CCDC63: variants seen among roughly 807,000 people sequenced by gnomAD.
CCDC63 encodes the protein coiled-coil domain containing 63.
Under a neutral mutation model 63.6 loss-of-function variants are expected in CCDC63, and 54 were observed. The ratio of observed to expected loss-of-function variants is 0.85; its 90% confidence interval spans 0.68 to 1.07. The LOEUF (loss-of-function observed/expected upper bound fraction) is 1.07, where lower values mean the gene tolerates loss of function less well. Among genes scored for constraint, CCDC63 ranks in the 50% least tolerant of loss-of-function variants. CCDC63 has a pLI of 0.00. For missense variants in CCDC63, 637 were observed against 689.6 expected, an observed-to-expected ratio of 0.92 and a Z score of 0.86; for synonymous variants, 253 against 266.1, an observed-to-expected ratio of 0.95 and a Z score of 0.48.
chr12:110,852,368 T>A (rs1593633649), intron 1 of CCDC63, among the ~76,000 whole-genome samples: 1 of 152,224 alleles, frequency 6.6e-6, no homozygotes, highest in African/African-American at 2.4e-5. Flanking sequence ...CAAGCAATTC[T>A]CCTGCCTCAG....
chr12:110,865,464 CAAAAAA>C (rs10585238), intron 4 of CCDC63, among the ~76,000 whole-genome samples: 5 of 102,340 alleles, frequency 4.9e-5, no homozygotes, highest in African/African-American at 1.4e-4. Context: ...CAGCATATAC[CAAAAAA>C]AAAAAAAAAA....
At chr12:110,866,234 T>G (rs556885102) in intron 4 of CCDC63, among the ~76,000 whole-genome samples, 1 of 151,834 alleles carries the variant, frequency 6.6e-6, no homozygotes, top group East Asian at 1.9e-4. Flanking sequence ...TGCCTCGGCC[T>G]CCCAAAGTGC....
At position 110,907,227 on chromosome 12, in the gene CCDC63, TC is replaced by T; in HGVS notation, c.1547-102del. 2.7e-6 allele frequency: 3 copies of T among 1,112,484 alleles called. No homozygotes were observed. Among genetic ancestry groups the T allele is most frequent in the Non-Finnish European group, 3.8e-6 (3 of 796,532 alleles). The allele number at this position is 1,112,484 out of a possible 1,614,324, so 68.9% of individuals were successfully genotyped here. A position where few individuals can be genotyped will look rare whatever the true frequency, so the allele number is the denominator to read the frequency against. The stretch of plus-strand genomic sequence containing the variant: ...TCCCCCTCCTTGAAACCTGAGAATT[TC>T]CATGCTCCACTCCCCAGTGCTATGG... On this transcript the variant is annotated intron_variant, in intron 11 of 11. Coordinates refer to ENST00000308208, the MANE Select transcript of CCDC63 (RefSeq NM_152591.3). The surrounding 1 kb of genome is among the most constrained non-coding windows in gnomAD (Gnocchi z 4.4).
chr12:110,892,277 A>C (rs1479645144), intron 8 of CCDC63, among the ~76,000 whole-genome samples: 2 of 152,158 alleles, frequency 1.3e-5, no homozygotes, highest in African/African-American at 4.8e-5. Context: ...AAATTAGTTC[A>C]TCAGAGGTTG....
In CCDC63 at chr12:110,884,102, G is replaced by A. The variant is rs140815443; in HGVS notation, c.926G>A (p.Arg309Gln). 112 of 1,614,116 alleles carry A rather than the reference G, an allele frequency of 6.9e-5. No individual in the cohort carries two copies. The African/African-American group carries it at 1.2e-3, about 17-fold the overall frequency. The change falls in exon 8 of 12, where the codon CGG becomes CAG. Residue 309 changes from arginine (R) to glutamine (Q), a missense_variant. Arg to Gln is a conservative substitution (Grantham distance 43). Transcript: ENST00000308208. Reference sequence around the variant, plus strand: ...GAGAGCTATGAGGTGGCCCACCTCCGGCTGCTGAAGCTGGCTGAGAGTGGG... The same window carrying A: ...GAGAGCTATGAGGTGGCCCACCTCCAGCTGCTGAAGCTGGCTGAGAGTGGG... ...SFESYEVAHL[R>Q]LLKLAESGNL... is the part of the protein sequence containing the mutation.
At chr12:110,851,267 G>C (rs1485795577) in intron 1 of CCDC63, among the ~76,000 whole-genome samples, 2 of 151,440 alleles carry the variant, frequency 1.3e-5, no homozygotes, top group Non-Finnish European at 2.9e-5. Context: ...TTGCTTGGAT[G>C]ATGTTCTCAA....
chr12:110,844,751 C>T (rs2070620976), upstream of CCDC63, among the ~76,000 whole-genome samples: 1 of 151,966 alleles, frequency 6.6e-6, no homozygotes, highest in Admixed American at 6.6e-5. Context: ...TACATAGGCT[C>T]AATGGGGAAG....
At chr12:110,894,951 G>C (rs2071399610) in intron 9 of CCDC63, among the ~76,000 whole-genome samples, 4 of 152,190 alleles carry the variant, frequency 2.6e-5, no homozygotes, top group Admixed American at 2.6e-4. Context: ...GTCTTACTCT[G>C]TTGCCCAGGC....
intron 8 of CCDC63, among the ~76,000 whole-genome samples, chr12:110,891,507 TAGTC>T (rs1402590679): frequency 2.0e-5 from 3 of 150,830 alleles, no homozygotes; most frequent in Admixed American, 6.6e-5. Flanking sequence ...TTTAAAAAAT[TAGTC>T]AGGCATGTGC....
At chr12:110,851,435 C>T (rs1390603546) in intron 1 of CCDC63, among the ~76,000 whole-genome samples, 1 of 152,140 alleles carries the variant, frequency 6.6e-6, no homozygotes, top group African/African-American at 2.4e-5. Context: ...CTTGAGTGTT[C>T]CAGCTTAAAT....
At position 110,873,787 on chromosome 12, in the gene CCDC63, G is replaced by A. The variant is rs1023461895; in HGVS notation, c.370-55G>A. 5.0e-6 allele frequency: 8 copies of A among 1,596,496 alleles called. No individual in the cohort carries two copies. The South Asian group carries it at 5.6e-5, about 11-fold the overall frequency. ...ACTTCAGTTAGTGAACTGTAGAACG[G>A]GTACCCATACAGATGCTAACACAGC... is the stretch of plus-strand genomic sequence containing the variant. On this transcript the variant is annotated intron_variant, in intron 4 of 11. Transcript: ENST00000308208.
intron 3 of CCDC63, among the ~76,000 whole-genome samples, chr12:110,854,255 C>CTTTTTTTTT (rs59793950): frequency 1.9e-5 from 2 of 106,760 alleles, no homozygotes; most frequent in Non-Finnish European, 3.7e-5. Context: ...CATTTCTTTT[C>CTTTTTTTTT]TTTTTTTTTT....
At chr12:110,886,406 C>A (rs1458371643) in intron 8 of CCDC63, among the ~76,000 whole-genome samples, 5 of 151,708 alleles carry the variant, frequency 3.3e-5, no homozygotes, top group Non-Finnish European at 5.9e-5. Context: ...AAAAAAAAAC[C>A]CACCCCAAAA....
At chr12:110,900,906 G>C (rs527442605) in intron 10 of CCDC63, among the ~76,000 whole-genome samples, 2 of 152,216 alleles carry the variant, frequency 1.3e-5, no homozygotes, top group Non-Finnish European at 2.9e-5. Flanking sequence ...CCAAACATCA[G>C]ATTCTTAGTA....
rs991504214 is a variant in CCDC63 at position 110,868,614 on chromosome 12, G to A, written c.370-5228G>A. On this transcript the variant is annotated intron_variant, in intron 4 of 11. Coordinates refer to ENST00000308208, the MANE Select transcript of CCDC63 (RefSeq NM_152591.3). Reference sequence around the variant, plus strand: ...CGCGTGCCTGCAATCGCAGGCATTCGGCAGACTGAGGCAGGAGAATCATGC... The same window carrying A: ...CGCGTGCCTGCAATCGCAGGCATTCAGCAGACTGAGGCAGGAGAATCATGC... 5.9e-5 allele frequency among the ~76,000 whole-genome samples: 9 copies of A among 151,644 alleles called. No individual in the cohort carries two copies. The South Asian group carries it at 8.4e-4, about 14-fold the overall frequency.
At position 110,852,745 on chromosome 12, in the gene CCDC63, T is replaced by G. The variant is rs1043238542; in HGVS notation, c.-96-114T>G. 6.5e-5 allele frequency: 45 copies of G among 688,858 alleles called. No individual in the cohort carries two copies. In the African/African-American group the frequency reaches 7.9e-4, roughly 12 times the overall value. The allele number at this position is 688,858 out of a possible 1,614,324, so 42.7% of individuals were successfully genotyped here. A position where few individuals can be genotyped will look rare whatever the true frequency, so the allele number is the denominator to read the frequency against. On this transcript the variant is annotated intron_variant, in intron 1 of 11. Transcript: ENST00000308208. ...CAGCCATCTGGGTATCCTCCTCATG[T>G]GCCAAGGTGTGGGTGGAGGAAGGGA...
intron 1 of CCDC63, among the ~76,000 whole-genome samples, chr12:110,852,507 C>T (rs200010005): frequency 3.3e-5 from 5 of 152,064 alleles, no homozygotes; most frequent in East Asian, 3.9e-4. Context: ...AGTGATCTAC[C>T]GACCTTGGCC....
At chr12:110,869,046 G>C (rs1393470027) in intron 4 of CCDC63, among the ~76,000 whole-genome samples, 2 of 152,102 alleles carry the variant, frequency 1.3e-5, no homozygotes, top group Non-Finnish European at 2.9e-5. Flanking sequence ...GTGCTGTGTA[G>C]ACTTTCTGAA....
chr12:110,851,426 T>A (rs1306687320), intron 1 of CCDC63, among the ~76,000 whole-genome samples: 1 of 152,190 alleles, frequency 6.6e-6, no homozygotes, highest in Non-Finnish European at 1.5e-5. Context: ...CTCTCTCTTC[T>A]TGAGTGTTCC....
Sources: allele counts gnomAD v4.1 joint callset (sites outside exome capture counted in the v4.1 genomes callset), GRCh38; gene constraint gnomAD v4.1.1; non-coding constraint Gnocchi (gnomAD v3.1); transcripts MANE v1.5; gene names NCBI Gene and HGNC (gene_info 2026-07-23, HGNC 2026-07-21).